The following GDA variants were observed in gnomAD, a reference collection of about 807,000 sequenced individuals.
The protein encoded by GDA is guanine deaminase.
GDA carries 18 observed loss-of-function variants against 59.6 expected under a neutral mutation model. That is an observed-to-expected ratio of 0.30 (90% CI 0.21 to 0.45). The LOEUF (loss-of-function observed/expected upper bound fraction) is 0.45, where lower values mean the gene tolerates loss of function less well. Ranked by LOEUF, GDA falls within the 20% of genes least tolerant of loss-of-function variation. The pLI, the probability that GDA is intolerant of heterozygous loss-of-function variation, is 1.00. For synonymous variants in GDA, 201 were observed against 201.1 expected (o/e 1.00, Z 0.00); for missense variants, 427 against 552.3 (o/e 0.77, Z 2.27).
downstream of GDA, among the ~76,000 whole-genome samples, chr9:72,254,282 A>C (rs1840838020): frequency 6.6e-6 from 1 of 152,178 alleles, no homozygotes; most frequent in African/African-American, 2.4e-5. Flanking sequence ...ATCATACTTA[A>C]AAAATTGTTC....
At chr9:72,200,163 A>G (rs1276533362) in intron 2 of GDA, among the ~76,000 whole-genome samples, 1 of 151,468 alleles carries the variant, frequency 6.6e-6, no homozygotes, top group Non-Finnish European at 1.5e-5. Flanking sequence ...ACGCCTGGCT[A>G]ATTTTTGTAT....
chr9:72,246,883 T>C (rs1196026847), intron 12 of GDA, among the ~76,000 whole-genome samples: 1 of 152,170 alleles, frequency 6.6e-6, no homozygotes, highest in Non-Finnish European at 1.5e-5. Flanking sequence ...ATTTTTCTTA[T>C]ATCAGGGGTG....
rs556459895 is a variant in GDA, at chr9:72,119,891, C to T, written c.-100+5058C>T. Among the ~76,000 whole-genome samples the T allele has an allele frequency of 4.6e-5, 7 of 151,160 alleles. No homozygotes were observed. The South Asian group carries it at 1.2e-3, about 27-fold the overall frequency. Reference sequence around the variant, plus strand: ...CTGTGACTTCTGCAGAAAAGATATACGTTTTGAAATAATATTTTAAAGATT... The same window carrying T: ...CTGTGACTTCTGCAGAAAAGATATATGTTTTGAAATAATATTTTAAAGATT... On this transcript the variant is annotated intron_variant, in intron 1 of 13. Coordinates refer to the GDA transcript ENST00000545168.
chr9:72,219,443 C>T (rs964096281), intron 5 of GDA, 36 bp from the exon 6 acceptor site: 6 of 1,473,870 alleles, frequency 4.1e-6, no homozygotes, highest in Non-Finnish European at 4.7e-6. Context: ...AAAGAAAATG[C>T]TCAAGTTTTC....
downstream of GDA, among the ~76,000 whole-genome samples, chr9:72,255,888 A>C (rs991887464): frequency 6.6e-6 from 1 of 152,206 alleles, no homozygotes; most frequent in Non-Finnish European, 1.5e-5. Context: ...TTATGGGGGA[A>C]ACTCATGATG....
At chr9:72,205,507 C>A (rs918725935) in intron 3 of GDA, among the ~76,000 whole-genome samples, 6 of 152,204 alleles carry the variant, frequency 3.9e-5, no homozygotes, top group Admixed American at 6.5e-5. Flanking sequence ...TCAGGCAGCT[C>A]TCAGAACCAG....
intron 1 of GDA, among the ~76,000 whole-genome samples, chr9:72,122,502 ACT>A (rs35484246): frequency 0.46 from 70,444 of 151,668 alleles, 18,161 homozygotes; most frequent in Non-Finnish European, 0.58. Context: ...TAATATTGTA[ACT>A]CTGCAACTTT....
chr9:72,174,578 G>C (rs980088343), intron 1 of GDA, among the ~76,000 whole-genome samples: 2 of 152,146 alleles, frequency 1.3e-5, no homozygotes. Context: ...TAAAAGAGAA[G>C]TGCCTGGTGC....
chr9:72,223,271 G>A (rs750818213), intron 7 of GDA, 44 bp downstream of exon 7: 23 of 1,017,680 alleles, frequency 2.3e-5, no homozygotes, highest in Non-Finnish European at 3.2e-5. Context: ...AGACCTGCAA[G>A]ATTTCTCAGC....
intron 1 of GDA, among the ~76,000 whole-genome samples, chr9:72,162,322 A>G (rs1029651544): frequency 6.6e-6 from 1 of 152,226 alleles, no homozygotes; most frequent in Non-Finnish European, 1.5e-5. Flanking sequence ...ATGGATCAGT[A>G]TACAGTTTCT....
intron 1 of GDA, among the ~76,000 whole-genome samples, chr9:72,135,698 G>A (rs896706427): frequency 2.6e-5 from 4 of 152,222 alleles, no homozygotes; most frequent in Non-Finnish European, 4.4e-5. Context: ...GGAGGCCGAG[G>A]TGGGCAGATC....
intron 1 of GDA, among the ~76,000 whole-genome samples, chr9:72,121,178 G>A (rs148235430): frequency 4.1e-4 from 62 of 152,164 alleles, no homozygotes; most frequent in African/African-American, 1.4e-3. Context: ...CTCTTTTTAC[G>A]GTTGATGTTG....
intron 3 of GDA, among the ~76,000 whole-genome samples, chr9:72,206,660 C>G (rs1003564633): frequency 2.0e-5 from 3 of 152,050 alleles, no homozygotes; most frequent in Non-Finnish European, 2.9e-5. Context: ...GTAATCCCAG[C>G]TACTCAGGAG....
intron 1 of GDA, among the ~76,000 whole-genome samples, chr9:72,141,476 A>ATTG (rs1040095924): frequency 6.6e-6 from 1 of 152,110 alleles, no homozygotes; most frequent in African/African-American, 2.4e-5. Context: ...CCTTAAAATC[A>ATTG]TTGTTATGAC....
At chr9:72,197,022 A>G (rs1488138384) in intron 2 of GDA, among the ~76,000 whole-genome samples, 2 of 152,220 alleles carry the variant, frequency 1.3e-5, no homozygotes, top group Non-Finnish European at 2.9e-5. Context: ...AAACACTTTG[A>G]TAACTTGGGA....
chr9:72,116,354 A>G (rs976447884), intron 1 of GDA, among the ~76,000 whole-genome samples: 3 of 151,304 alleles, frequency 2.0e-5, no homozygotes, highest in Non-Finnish European at 4.4e-5. Flanking sequence ...ACATGGCTAA[A>G]TGACTCTACA....
At chr9:72,197,821 A>G (rs1049806822) in intron 2 of GDA, among the ~76,000 whole-genome samples, 1 of 152,240 alleles carries the variant, frequency 6.6e-6, no homozygotes, top group African/African-American at 2.4e-5. Flanking sequence ...TGTCTCAGAC[A>G]GTTTTTAATA....
upstream of GDA, chr9:72,149,342 A>T (rs963186383): frequency 3.7e-6 from 2 of 546,308 alleles, no homozygotes; most frequent in African/African-American, 4.1e-5. Context: ...CGCGGAGCCA[A>T]CTCGCGGGAG....
chr9:72,154,607 C>T (rs763857494), intron 1 of GDA, among the ~76,000 whole-genome samples: 60 of 152,172 alleles, frequency 3.9e-4, no homozygotes, highest in African/African-American at 1.4e-3. Context: ...GATCAAGAAG[C>T]ATTTGGTGCT....
Sources: gnomAD v4.1 joint callset for allele counts (sites outside exome capture counted in the v4.1 genomes callset) on GRCh38, gnomAD v4.1.1 for gene constraint, MANE v1.5 for transcripts, NCBI Gene and HGNC (gene_info 2026-07-23, HGNC 2026-07-21) for gene names.